The following LRRFIP2 variants were observed in gnomAD, a reference collection of about 807,000 sequenced individuals.
LRRFIP2 encodes the protein LRR binding FLII interacting protein 2.
LRRFIP2 carries 109 observed loss-of-function variants against 125.9 expected under a neutral mutation model. That is an observed-to-expected ratio of 0.87 (90% CI 0.74 to 1.01). The LOEUF (loss-of-function observed/expected upper bound fraction) is 1.01. Ranked by LOEUF, LRRFIP2 falls within the 50% of genes least tolerant of loss-of-function variation. The pLI is 0.00. For missense variants in LRRFIP2, 850 were observed against 862.3 expected (o/e 0.99, Z 0.18); for synonymous variants, 291 against 293.1 (o/e 0.99, Z 0.07).
chr3:37,164,624 G>A (rs1337459967), intron 1 of LRRFIP2, among the ~76,000 whole-genome samples: 1 of 151,980 alleles, frequency 6.6e-6, no homozygotes, highest in African/African-American at 2.4e-5. Context: ...GGGAGGCAGA[G>A]GCGGGAAAAT....
chr3:37,158,095 T>C (rs1435429737), intron 1 of LRRFIP2, among the ~76,000 whole-genome samples: 2 of 152,212 alleles, frequency 1.3e-5, no homozygotes, highest in Non-Finnish European at 2.9e-5. Context: ...TAAATCTTTA[T>C]ACTATTTCAT....
chr3:37,145,252 A>G (rs970927513), intron 2 of LRRFIP2, among the ~76,000 whole-genome samples: 5 of 152,216 alleles, frequency 3.3e-5, no homozygotes, highest in Non-Finnish European at 5.9e-5. Flanking sequence ...TCTGATGTCA[A>G]ACAACTATAT....
chr3:37,159,989 CAAAAAAAAAAAAAAAAAAA>C (rs58005486), intron 1 of LRRFIP2, among the ~76,000 whole-genome samples: 3 of 46,942 alleles, frequency 6.4e-5, no homozygotes, highest in Non-Finnish European at 1.1e-4. Flanking sequence ...GCCCTATGCG[CAAAAAAAAAAAAAAAAAAA>C]AAAAAAAAAA....
At position 37,122,172 on chromosome 3, in the gene LRRFIP2, G is replaced by GT. The variant is rs1382358567; in HGVS notation, c.229-482dup. Among the ~76,000 whole-genome samples, 3 of 149,628 alleles carry GT rather than the reference G, an allele frequency of 2.0e-5. No homozygotes were observed. In the East Asian group the frequency reaches 6.0e-4, roughly 30 times the overall value. ...TATGAGTGAGAACACGCGGCGTTTG[G>GT]TTTTTTGTCCTTGCGACAGTTTGCT... On this transcript the variant is annotated intron_variant, in intron 4 of 27. Transcript: ENST00000336686.
intron 11 of LRRFIP2, 148 bp from the exon 12 acceptor site, chr3:37,108,832 A>G: frequency 5.2e-6 from 3 of 572,494 alleles, no homozygotes; most frequent in Non-Finnish European, 9.2e-6. Context: ...TGAAGGCGGT[A>G]ATACTCATTT....
chr3:37,055,900 G>A (rs1243005060), intron 25 of LRRFIP2, among the ~76,000 whole-genome samples: 1 of 152,128 alleles, frequency 6.6e-6, no homozygotes, highest in African/African-American at 2.4e-5. Context: ...AATACTGTAA[G>A]GGTCCTTTTC....
At chr3:37,062,492 TCA>T (rs1575840977) in intron 24 of LRRFIP2, among the ~76,000 whole-genome samples, 2 of 152,252 alleles carry the variant, frequency 1.3e-5, no homozygotes, top group East Asian at 3.9e-4. Context: ...GGGCCCAGCA[TCA>T]CACATGAAAA....
At chr3:37,139,638 A>G (rs908182576) in intron 2 of LRRFIP2, among the ~76,000 whole-genome samples, 3 of 151,934 alleles carry the variant, frequency 2.0e-5, no homozygotes, top group African/African-American at 4.8e-5. Context: ...AACCCTCCCA[A>G]GCCCCGTCAC....
At chr3:37,069,272 G>C (rs117906876) in intron 21 of LRRFIP2, among the ~76,000 whole-genome samples, 1 of 152,316 alleles carries the variant, frequency 6.6e-6, no homozygotes, top group East Asian at 1.9e-4. Context: ...GCAGAGTCTT[G>C]AAGAGTTATT....
At chr3:37,152,222 A>AG (rs2096054307) in intron 1 of LRRFIP2, among the ~76,000 whole-genome samples, 2 of 152,324 alleles carry the variant, frequency 1.3e-5, no homozygotes, top group African/African-American at 4.8e-5. Context: ...GATCTCACTT[A>AG]TAATTGGGAG....
rs75633079 is a variant in LRRFIP2 at position 37,145,699 on chromosome 3, G to A, written c.90+3195C>T. Among the ~76,000 whole-genome samples the A allele has an allele frequency of 7.9e-5, 12 of 152,288 alleles. No individual in the cohort carries two copies. In the East Asian group the frequency reaches 2.1e-3, roughly 27 times the overall value. ...TTTGTGAGAATCAAGATGTGAAACT[G>A]CTTTCAAAGTCATGAAAAGTTACTG... On this transcript the variant is annotated intron_variant, in intron 2 of 27. Coordinates refer to ENST00000336686, the MANE Select transcript of LRRFIP2 (RefSeq NM_006309.4).
chr3:37,115,477 AT>A (rs1311155948), intron 6 of LRRFIP2, among the ~76,000 whole-genome samples: 1 of 152,242 alleles, frequency 6.6e-6, no homozygotes, highest in Non-Finnish European at 1.5e-5. Flanking sequence ...CACTTTTAAC[AT>A]CATTTCCTAT....
intron 17 of LRRFIP2, among the ~76,000 whole-genome samples, chr3:37,092,479 T>C (rs970714941): frequency 4.6e-5 from 7 of 152,282 alleles, no homozygotes; most frequent in African/African-American, 1.4e-4. Context: ...GATGGTAGGA[T>C]ACAAAAATAA....
chr3:37,173,694 T>G (rs1220972494), intron 1 of LRRFIP2, among the ~76,000 whole-genome samples: 1 of 152,218 alleles, frequency 6.6e-6, no homozygotes, highest in Non-Finnish European at 1.5e-5. Context: ...CCCAGCACAC[T>G]GCAAGAATTA....
At chr3:37,128,718 T>C (rs1559975342) in intron 3 of LRRFIP2, among the ~76,000 whole-genome samples, 1 of 152,200 alleles carries the variant, frequency 6.6e-6, no homozygotes, top group Non-Finnish European at 1.5e-5. Context: ...TTACAGTGTT[T>C]TACTATATAG....
At chr3:37,079,396 T>C (rs2092425459) in intron 19 of LRRFIP2, among the ~76,000 whole-genome samples, 1 of 152,148 alleles carries the variant, frequency 6.6e-6, no homozygotes, top group Non-Finnish European at 1.5e-5. Flanking sequence ...AAACACAGAT[T>C]TATCGTATGA....
intron 1 of LRRFIP2, among the ~76,000 whole-genome samples, chr3:37,162,837 T>C (rs2096383172): frequency 6.6e-6 from 1 of 152,218 alleles, no homozygotes; most frequent in Admixed American, 6.5e-5. Context: ...GAGATGTGCC[T>C]GGTCCAGGTT....
At chr3:37,055,198 C>T (rs771994861) in intron 25 of LRRFIP2, 33 bp from the exon 26 acceptor site, 222 of 1,333,994 alleles carry the variant, frequency 1.7e-4, no homozygotes, top group Non-Finnish European at 2.6e-5. Flanking sequence ...ATTATCTTCA[C>T]CTGTCAGAGA....
chr3:37,069,047 A>G (rs147414457), intron 21 of LRRFIP2, among the ~76,000 whole-genome samples: 3 of 152,300 alleles, frequency 2.0e-5, no homozygotes, highest in African/African-American at 7.2e-5. Flanking sequence ...AATGTGTCTT[A>G]AAAGTCAAGG....
Sources: allele counts gnomAD v4.1 joint callset (sites outside exome capture counted in the v4.1 genomes callset), GRCh38; gene constraint gnomAD v4.1.1; transcripts MANE v1.5; gene names NCBI Gene and HGNC (gene_info 2026-07-23, HGNC 2026-07-21).